The following MAST4 variants were observed in gnomAD, a reference collection of about 807,000 sequenced individuals.
The protein encoded by MAST4 is microtubule associated serine/threonine kinase family member 4.
In MAST4, 89 loss-of-function variants were observed where a neutral mutation model predicts 162.7. That is an observed-to-expected ratio of 0.55 (90% CI 0.46 to 0.65). The LOEUF (loss-of-function observed/expected upper bound fraction) is 0.65. Ranked by LOEUF, MAST4 falls within the 30% of genes least tolerant of loss-of-function variation. The probability of loss-of-function intolerance (pLI) is 0.00; values close to 1 mark genes in which losing one functional copy is unlikely to be tolerated. For missense variants in MAST4, 3,153 were observed against 3,374.0 expected (o/e 0.93, Z 1.62); for synonymous variants, 1,479 against 1,361.1 (o/e 1.09, Z -1.91).
At chr5:66,934,885 G>A (rs1330511774) in intron 4 of MAST4, among the ~76,000 whole-genome samples, 1 of 152,016 alleles carries the variant, frequency 6.6e-6, no homozygotes, top group Non-Finnish European at 1.5e-5. Context: ...CTCTTTACTG[G>A]GTGATTCTAT....
At chr5:67,126,964 T>C (rs1158494702) in intron 14 of MAST4, among the ~76,000 whole-genome samples, 1 of 152,252 alleles carries the variant, frequency 6.6e-6, no homozygotes, top group Non-Finnish European at 1.5e-5. Flanking sequence ...TTTACATCCC[T>C]TGTAAGTTGT....
intron 4 of MAST4, among the ~76,000 whole-genome samples, chr5:67,016,610 T>G (rs1753313381): frequency 6.6e-6 from 1 of 152,220 alleles, no homozygotes; most frequent in Admixed American, 6.5e-5. Flanking sequence ...ATTGTAAATG[T>G]ATTCTGCTGT....
chr5:66,903,432 C>T (rs1368337669), intron 4 of MAST4, among the ~76,000 whole-genome samples: 1 of 117,826 alleles, frequency 8.5e-6, no homozygotes, highest in South Asian at 2.9e-4. Context: ...ATTCTCACAC[C>T]TGTGTTTGTG....
chr5:66,751,162 A>C (rs1244426295), intron 1 of MAST4, among the ~76,000 whole-genome samples: 1 of 152,132 alleles, frequency 6.6e-6, no homozygotes, highest in Non-Finnish European at 1.5e-5. Context: ...CCATCATCAA[A>C]GACCAAAAGT....
chr5:66,844,586 A>T (rs1197881766), intron 3 of MAST4, among the ~76,000 whole-genome samples: 1 of 152,134 alleles, frequency 6.6e-6, no homozygotes, highest in Non-Finnish European at 1.5e-5. Context: ...CTGGTTAAAC[A>T]AGGACAAATA....
At chr5:66,767,470 A>G (rs937978564) in intron 2 of MAST4, among the ~76,000 whole-genome samples, 14 of 152,142 alleles carry the variant, frequency 9.2e-5, no homozygotes, top group African/African-American at 2.4e-4. Flanking sequence ...ATGGCAAACC[A>G]TATATTGGCT....
intron 4 of MAST4, among the ~76,000 whole-genome samples, chr5:66,920,101 G>A (rs1032540970): frequency 6.1e-5 from 9 of 147,664 alleles, no homozygotes; most frequent in Admixed American, 5.5e-4. Flanking sequence ...AAGTAGCAAA[G>A]AGGAAAGTAA....
chr5:67,105,540 G>A (rs1765505907), intron 10 of MAST4, among the ~76,000 whole-genome samples: 1 of 152,168 alleles, frequency 6.6e-6, no homozygotes, highest in Non-Finnish European at 1.5e-5. Context: ...GCAGTCCACT[G>A]ATGCAGTCCC....
chr5:66,779,519 G>A (rs1357153900), intron 2 of MAST4, among the ~76,000 whole-genome samples: 5 of 151,526 alleles, frequency 3.3e-5, no homozygotes, highest in African/African-American at 1.2e-4. Context: ...CCATTAAGAA[G>A]AGTGATTTAG....
intron 4 of MAST4, among the ~76,000 whole-genome samples, chr5:67,054,097 C>A (rs1451020253): frequency 2.0e-5 from 3 of 152,104 alleles, no homozygotes; most frequent in Non-Finnish European, 4.4e-5. Flanking sequence ...TGATTTGAAT[C>A]CTTAATTTAT....
At chr5:66,796,501 G>A (rs926972416) in intron 3 of MAST4, among the ~76,000 whole-genome samples, 35 of 152,236 alleles carry the variant, frequency 2.3e-4, no homozygotes, top group African/African-American at 8.2e-4. Flanking sequence ...CTCTGCATGG[G>A]TCTCTGCGTG....
intron 3 of MAST4, among the ~76,000 whole-genome samples, chr5:66,898,326 C>T (rs757684260): frequency 6.6e-6 from 1 of 152,286 alleles, no homozygotes; most frequent in South Asian, 2.1e-4. Context: ...GTGTGGTGAG[C>T]TATTACTTCT....
intron 1 of MAST4, among the ~76,000 whole-genome samples, chr5:66,614,071 A>G (rs147257959): frequency 0.01 from 1,556 of 152,324 alleles, 14 homozygotes; most frequent in South Asian, 0.018. Context: ...CTAGGTATAA[A>G]TGTCTAAGCC....
At chr5:66,619,163 CTT>C (rs889397376) in intron 1 of MAST4, among the ~76,000 whole-genome samples, 1 of 152,094 alleles carries the variant, frequency 6.6e-6, no homozygotes, top group African/African-American at 2.4e-5. Context: ...GAGAGAGTAA[CTT>C]TTCCAGGAGT....
Position 67,142,494 on chromosome 5 carries a change from A to C in MAST4, c.2691A>C (p.Glu897Asp), listed in dbSNP as rs575098582. 6.3e-7 allele frequency: 1 copy of C among 1,595,028 alleles called. No individual in the cohort carries two copies. Among genetic ancestry groups the C allele is most frequent in the South Asian group, 1.1e-5 (1 of 87,452 alleles). ...CAAATGATGAAGACTTTAATGTGGAAATAAGGCAGTTTTCTTCATGTTCAC... is the reference window on the plus strand; with the variant it reads ...CAAATGATGAAGACTTTAATGTGGACATAAGGCAGTTTTCTTCATGTTCAC... ...DDTNDEDFNVEIRQFSSCSHR... is the reference protein window; with the variant it reads ...DDTNDEDFNVDIRQFSSCSHR... The change falls in exon 21 of 29, where the codon GAA (glutamate) becomes GAC (aspartate). Residue 897 changes from glutamate to aspartate, a missense_variant. By Grantham distance (45) the Glu-to-Asp change is conservative (BLOSUM62 2). This residue lies in a region of MAST4 where 619 missense variants were observed against 744.2 expected (regional missense o/e 0.83). Coordinates refer to ENST00000403625, the MANE Select transcript of MAST4 (RefSeq NM_001164664.2).
chr5:66,712,362 C>T (rs1031500563), intron 1 of MAST4, among the ~76,000 whole-genome samples: 1 of 152,186 alleles, frequency 6.6e-6, no homozygotes, highest in African/African-American at 2.4e-5. Flanking sequence ...TAGTTTGGAC[C>T]TGGCAGTTTT....
At chr5:66,930,879 C>T in intron 4 of MAST4, 1 of 449,016 alleles carries the variant, frequency 2.2e-6, no homozygotes, top group Non-Finnish European at 4.6e-6. Context: ...TGTGGCAGAA[C>T]TGAGCTTGTA....
At chr5:66,887,044 CT>C (rs1023771927) in intron 3 of MAST4, among the ~76,000 whole-genome samples, 3 of 151,916 alleles carry the variant, frequency 2.0e-5, no homozygotes, top group Non-Finnish European at 2.9e-5. Context: ...GCTTTTGATG[CT>C]TTTTTTAAAA....
At chr5:66,705,666 T>C (rs1750082034) in intron 1 of MAST4, among the ~76,000 whole-genome samples, 1 of 152,140 alleles carries the variant, frequency 6.6e-6, no homozygotes, top group African/African-American at 2.4e-5. Flanking sequence ...ATTTAAAAAC[T>C]GAGCACTCAA....
Sources: allele counts gnomAD v4.1 joint callset (sites outside exome capture counted in the v4.1 genomes callset), GRCh38; gene constraint gnomAD v4.1.1; regional missense constraint gnomAD v4.1.1; transcripts MANE v1.5; gene names NCBI Gene and HGNC (gene_info 2026-07-23, HGNC 2026-07-21).